Variants in ZNF536 observed in about 807,000 individuals in gnomAD.
ZNF536 encodes zinc finger protein 536.
ZNF536 carries 13 observed loss-of-function variants against 84.5 expected under a neutral mutation model. The observed-to-expected ratio is 0.15, with a 90% confidence interval of 0.10 to 0.24. The LOEUF (loss-of-function observed/expected upper bound fraction) is 0.24, where lower values mean the gene tolerates loss of function less well. Ranked by LOEUF, ZNF536 falls within the 10% of genes least tolerant of loss-of-function variation. The probability of loss-of-function intolerance (pLI) is 1.00; values close to 1 mark genes in which losing one functional copy is unlikely to be tolerated. For missense variants in ZNF536, 1,536 were observed against 1,747.5 expected, an observed-to-expected ratio of 0.88 and a Z score of 2.16; for synonymous variants, 811 against 742.5, an observed-to-expected ratio of 1.09 and a Z score of -1.50.
At chr19:30,357,595 A>C (rs989250561) in intron 3 of ZNF536, among the ~76,000 whole-genome samples, 8 of 151,960 alleles carry the variant, frequency 5.3e-5, no homozygotes, top group African/African-American at 1.9e-4. Flanking sequence ...TGAGCTGGTG[A>C]TTTGTCCAAA....
intron 2 of ZNF536, among the ~76,000 whole-genome samples, chr19:30,484,565 C>T (rs578235337): frequency 7.2e-5 from 11 of 151,802 alleles, no homozygotes; most frequent in East Asian, 2.0e-4. Flanking sequence ...GTAAGTGTTT[C>T]GCCCCATCCT....
intron 4 of ZNF536, among the ~76,000 whole-genome samples, chr19:30,551,917 A>G (rs1372421545): frequency 6.6e-6 from 1 of 152,156 alleles, no homozygotes; most frequent in East Asian, 1.9e-4. Context: ...CTGGCCCACC[A>G]TAATTGCAGT....
intron 2 of ZNF536, among the ~76,000 whole-genome samples, chr19:30,350,435 T>C (rs2047896489): frequency 1.3e-5 from 2 of 152,182 alleles, no homozygotes; most frequent in South Asian, 4.1e-4. Flanking sequence ...GGAAAATAAA[T>C]CATGCATAAT....
chr19:30,416,678 G>A (rs1432526127), intron 1 of ZNF536, among the ~76,000 whole-genome samples: 1 of 152,146 alleles, frequency 6.6e-6, no homozygotes, highest in Non-Finnish European at 1.5e-5. Flanking sequence ...CACCTTCCTA[G>A]TGGGTGGCCC....
chr19:30,489,145 C>T (rs2054409042), intron 2 of ZNF536, among the ~76,000 whole-genome samples: 1 of 152,202 alleles, frequency 6.6e-6, no homozygotes. Context: ...GTCTTCCAAA[C>T]CCAAAGGGGA....
At chr19:30,397,778 G>T (rs1009174351) in intron 1 of ZNF536, among the ~76,000 whole-genome samples, 22 of 152,120 alleles carry the variant, frequency 1.4e-4, no homozygotes, top group Admixed American at 7.9e-4. Context: ...GGACAAGGGG[G>T]TCTGAAAAGA....
chr19:30,262,953 G>T (rs531848672), intron 1 of ZNF536, among the ~76,000 whole-genome samples: 36 of 152,308 alleles, frequency 2.4e-4, no homozygotes, highest in Non-Finnish European at 3.4e-4. Context: ...CCTGTGTAAG[G>T]CAGGGGTGCT....
intron 1 of ZNF536, among the ~76,000 whole-genome samples, chr19:30,397,731 A>G (rs942949729): frequency 2.6e-5 from 4 of 152,244 alleles, no homozygotes; most frequent in African/African-American, 4.8e-5. Context: ...CAAACTCAAC[A>G]ATAAGACCCC....
chr19:30,251,218 G>T (rs2024590964), intron 1 of ZNF536, among the ~76,000 whole-genome samples: 1 of 152,142 alleles, frequency 6.6e-6, no homozygotes, highest in Non-Finnish European at 1.5e-5. Context: ...AAGACTGTGT[G>T]TCTACATTTT....
At chr19:30,470,757 C>T (rs1186093729) in intron 2 of ZNF536, among the ~76,000 whole-genome samples, 3 of 148,028 alleles carry the variant, frequency 2.0e-5, no homozygotes, top group African/African-American at 7.6e-5. Flanking sequence ...GTGGTCTCGG[C>T]TCACTGCAGC....
At chr19:30,252,253 C>T (rs2024653621) in intron 1 of ZNF536, among the ~76,000 whole-genome samples, 2 of 152,188 alleles carry the variant, frequency 1.3e-5, no homozygotes, top group African/African-American at 4.8e-5. Context: ...CAATACCACC[C>T]TACTCCTGCA....
At position 30,582,855 on chromosome 19, in the gene ZNF536, A is replaced by G. The variant is rs543800957; in HGVS notation, c.169+33341A>G. Among the ~76,000 whole-genome samples, 10 of 152,306 alleles carry G rather than the reference A, an allele frequency of 6.6e-5. No homozygotes were observed. The East Asian group carries it at 1.2e-3, about 18-fold the overall frequency. On this transcript the variant is annotated intron_variant, in intron 1 of 1. Transcript: ENST00000592773. ...TGGGGGAAACCATCCCCATGATTCA[A>G]TGATCTCCCACTGGGTCCCTCCCAC...
intron 1 of ZNF536, among the ~76,000 whole-genome samples, chr19:30,628,604 AT>A (rs1244580746): frequency 6.6e-6 from 1 of 151,008 alleles, no homozygotes; most frequent in Non-Finnish European, 1.5e-5. Flanking sequence ...AAGTTTTTGT[AT>A]TTTTTAGTAG....
chr19:30,398,696 A>G (rs900464516), intron 1 of ZNF536, among the ~76,000 whole-genome samples: 4 of 151,858 alleles, frequency 2.6e-5, no homozygotes, highest in African/African-American at 4.8e-5. Context: ...AGCTTCATCC[A>G]TGTCCCTGCA....
chr19:30,614,866 C>T (rs1361482531), intron 1 of ZNF536, among the ~76,000 whole-genome samples: 2 of 148,138 alleles, frequency 1.4e-5, no homozygotes, highest in Non-Finnish European at 3.0e-5. Flanking sequence ...TTATCAGTCA[C>T]GTTATGGCAT....
chr19:30,462,885 G>A (rs373054174), intron 2 of ZNF536, among the ~76,000 whole-genome samples: 1 of 142,348 alleles, frequency 7.0e-6, no homozygotes, highest in African/African-American at 2.5e-5. Flanking sequence ...GTATCCATAT[G>A]TATTTGTCTG....
At chr19:30,480,124 C>G (rs558145763) in intron 2 of ZNF536, among the ~76,000 whole-genome samples, 1 of 152,228 alleles carries the variant, frequency 6.6e-6, no homozygotes, top group Non-Finnish European at 1.5e-5. Context: ...CAGGTTTCAG[C>G]ACTGCTTTCC....
At chr19:30,401,459 C>A (rs1476388553) in intron 1 of ZNF536, among the ~76,000 whole-genome samples, 1 of 152,096 alleles carries the variant, frequency 6.6e-6, no homozygotes, top group African/African-American at 2.4e-5. Context: ...GCTCACCACC[C>A]CAGTGGGGTT....
At chr19:30,562,545 T>A (rs955941670), downstream of ZNF536, among the ~76,000 whole-genome samples, 1 of 152,144 alleles carries the variant, frequency 6.6e-6, no homozygotes, top group Non-Finnish European at 1.5e-5. Flanking sequence ...CTGACTTTTT[T>A]CTCTTTTATT....
Sources: gnomAD v4.1 joint callset for allele counts (sites outside exome capture counted in the v4.1 genomes callset) on GRCh38, gnomAD v4.1.1 for gene constraint, MANE v1.5 for transcripts, NCBI Gene and HGNC (gene_info 2026-07-23, HGNC 2026-07-21) for gene names.